The following PIN4 variants were observed in gnomAD, a reference collection of about 807,000 sequenced individuals.
PIN4 encodes peptidylprolyl cis/trans isomerase, NIMA-interacting 4, also known as peptidyl-prolyl cis-trans isomerase NIMA-interacting 4.
Under a neutral mutation model 8.3 loss-of-function variants are expected in PIN4, and 3 were observed. The observed-to-expected ratio is 0.36, with a 90% CI of 0.16 to 0.93. The LOEUF (loss-of-function observed/expected upper bound fraction) is 0.93. Ranked by LOEUF, PIN4 falls within the 40% of genes least tolerant of loss-of-function variation. PIN4 has a pLI of 0.44. For synonymous variants in PIN4, 18 were observed against 32.5 expected (o/e 0.55, Z 1.52); for missense variants, 75 against 100.6 (o/e 0.75, Z 1.09).
downstream of PIN4, among the ~76,000 whole-genome samples, chrX:72,199,435 G>T (rs950674450): frequency 8.9e-6 from 1 of 112,029 alleles, no homozygotes; most frequent in African/African-American, 3.2e-5. Context: ...CTACTTGGGA[G>T]GCTGAGCCAC....
At chrX:72,199,225 GA>G (rs775577256), downstream of PIN4, among the ~76,000 whole-genome samples, 1 of 111,895 alleles carries the variant, frequency 8.9e-6, no homozygotes, top group South Asian at 3.7e-4. Flanking sequence ...CGTGTACTTT[GA>G]AAACTACATT....
At chrX:72,192,191 G>A (rs1473037558) in intron 2 of PIN4, among the ~76,000 whole-genome samples, 1 of 111,433 alleles carries the variant, frequency 9.0e-6, no homozygotes, top group Non-Finnish European at 1.9e-5. Context: ...CACCTCAGGT[G>A]ATCCGCCCAC....
At chrX:72,203,081 T>TAATC (rs962481491), downstream of PIN4, among the ~76,000 whole-genome samples, 2 of 111,425 alleles carry the variant, frequency 1.8e-5, no homozygotes, top group African/African-American at 6.5e-5. Flanking sequence ...GAAGATGAGT[T>TAATC]AATCACCCAT....
intron 3 of PIN4, chrX:72,255,595 C>G: frequency 9.0e-6 from 1 of 111,589 alleles, no homozygotes; most frequent in Admixed American, 9.6e-5. Context: ...CCGGCCGTTG[C>G]TATGGCATTT....
At chrX:72,181,732 A>G (rs750970887), upstream of PIN4, 4 of 1,166,041 alleles carry the variant, frequency 3.4e-6, no homozygotes, top group Admixed American at 8.7e-5. Context: ...GGGGCTTCTA[A>G]AGGGGCTTGT....
chrX:72,201,222 C>CTT (rs771494715), downstream of PIN4, among the ~76,000 whole-genome samples: 13 of 111,115 alleles, frequency 1.2e-4, no homozygotes, highest in Middle Eastern at 9.3e-3. Flanking sequence ...AAAATGTTGA[C>CTT]TTTAAGTGCT....
At chrX:72,250,337 C>G (rs941169531) in intron 3 of PIN4, among the ~76,000 whole-genome samples, 2 of 110,336 alleles carry the variant, frequency 1.8e-5, no homozygotes, top group Non-Finnish European at 3.8e-5. Context: ...TGGTACGTGC[C>G]TATAGTCCCA....
At chrX:72,238,305 C>A (rs756178843) in intron 3 of PIN4, among the ~76,000 whole-genome samples, 1 of 112,015 alleles carries the variant, frequency 8.9e-6, no homozygotes, top group East Asian at 2.8e-4. Context: ...AATGTTTACT[C>A]ATTTTTCAAC....
chrX:72,188,009 T>C (rs1381195215), intron 2 of PIN4, among the ~76,000 whole-genome samples: 1 of 97,932 alleles, frequency 1.0e-5, no homozygotes, highest in Non-Finnish European at 2.0e-5. Flanking sequence ...AATGAACCTA[T>C]GCCCCACAGA....
intron 3 of PIN4, among the ~76,000 whole-genome samples, chrX:72,239,281 T>C (rs1602456698): frequency 8.9e-6 from 1 of 112,688 alleles, no homozygotes; most frequent in East Asian, 2.8e-4. Context: ...TGTGCCATCA[T>C]TGTGAGTGGA....
At chrX:72,230,651 G>A (rs1209704805) in intron 3 of PIN4, among the ~76,000 whole-genome samples, 1 of 112,055 alleles carries the variant, frequency 8.9e-6, no homozygotes, top group Non-Finnish European at 1.9e-5. Flanking sequence ...TATACTGTTG[G>A]TACTATTATA....
At chrX:72,222,269 G>A (rs1221670173) in intron 3 of PIN4, among the ~76,000 whole-genome samples, 3 of 112,001 alleles carry the variant, frequency 2.7e-5, no homozygotes, top group Admixed American at 9.5e-5. Context: ...ATTCCTGCAC[G>A]TAACCCAATC....
intron 3 of PIN4, among the ~76,000 whole-genome samples, chrX:72,232,766 C>T (rs1191554928): frequency 1.8e-5 from 2 of 111,582 alleles, no homozygotes; most frequent in South Asian, 3.7e-4. Flanking sequence ...GCTGAGATCG[C>T]GTCATTGTAC....
chrX:72,189,802 C>T (rs2042722505), intron 2 of PIN4, among the ~76,000 whole-genome samples: 1 of 111,483 alleles, frequency 9.0e-6, no homozygotes, highest in African/African-American at 3.3e-5. Flanking sequence ...TGTGGAAGTG[C>T]TGTAGTATGT....
intron 3 of PIN4, among the ~76,000 whole-genome samples, chrX:72,226,255 C>G (rs2042953076): frequency 9.0e-6 from 1 of 111,602 alleles, no homozygotes; most frequent in Non-Finnish European, 1.9e-5. Flanking sequence ...ATAAAGCAAG[C>G]CCCAGATTGG....
downstream of PIN4, among the ~76,000 whole-genome samples, chrX:72,202,640 CAGTT>C (rs796619751): frequency 9.0e-6 from 1 of 111,513 alleles, no homozygotes; most frequent in South Asian, 3.7e-4. Flanking sequence ...AATTGCTTCA[CAGTT>C]AGTTACACCA....
At chrX:72,205,097 C>T in intron 3 of PIN4, 1 of 1,211,750 alleles carries the variant, frequency 8.3e-7, no homozygotes. Flanking sequence ...AGCGCTTTAA[C>T]TAAGCAGTTT....
downstream of PIN4, among the ~76,000 whole-genome samples, chrX:72,199,768 A>G (rs185354284): frequency 9.3e-6 from 1 of 107,526 alleles, no homozygotes; most frequent in Non-Finnish European, 1.9e-5. Context: ...ATGGAGAGAG[A>G]GCAGTTATAG....
At chrX:72,257,421 G>T (rs1189210731) in intron 3 of PIN4, among the ~76,000 whole-genome samples, 2 of 111,482 alleles carry the variant, frequency 1.8e-5, no homozygotes, top group African/African-American at 3.3e-5. Flanking sequence ...GTGGGGCCGG[G>T]GGGAGGGCGT....
Sources: allele counts gnomAD v4.1 joint callset (sites outside exome capture counted in the v4.1 genomes callset), GRCh38; gene constraint gnomAD v4.1.1; transcripts MANE v1.5; gene names NCBI Gene and HGNC (gene_info 2026-07-23, HGNC 2026-07-21).